Variants in CCDC141 observed in about 807,000 individuals in gnomAD.
CCDC141 encodes coiled-coil domain-containing protein 141.
In CCDC141, 168 loss-of-function variants were observed where a neutral mutation model predicts 181.0. The ratio of observed to expected loss-of-function variants is 0.93; its 90% CI spans 0.82 to 1.05. The LOEUF is 1.05. CCDC141 is among the 50% of genes least tolerant of loss of function. CCDC141 has a pLI of 0.00. For synonymous variants in CCDC141, 666 were observed against 642.3 expected (o/e 1.04, Z -0.56); for missense variants, 1,902 against 1,788.5 (o/e 1.06, Z -1.14).
At chr2:179,037,733 A>G (rs1430700924) in intron 2 of CCDC141, among the ~76,000 whole-genome samples, 1 of 152,240 alleles carries the variant, frequency 6.6e-6, no homozygotes, top group African/African-American at 2.4e-5. Context: ...ACTGGCCAAT[A>G]AGCACATGAA....
At chr2:178,822,434 A>G in the CCDC141 span, among the ~76,000 whole-genome samples, 1 of 151,702 alleles carries the variant, frequency 6.6e-6, no homozygotes, top group African/African-American at 2.4e-5. Context: ...CTCCTGAAAA[A>G]AAAAAAAGAA....
intron 11 of CCDC141, among the ~76,000 whole-genome samples, chr2:178,878,615 A>G (rs1450836598): frequency 6.6e-6 from 1 of 151,290 alleles, no homozygotes; most frequent in Non-Finnish European, 1.5e-5. Context: ...TGCCAACCCC[A>G]GCCCATTTTC....
At chr2:179,049,102 C>A (rs573445258) in intron 1 of CCDC141, among the ~76,000 whole-genome samples, 1 of 152,106 alleles carries the variant, frequency 6.6e-6, no homozygotes, top group Non-Finnish European at 1.5e-5. Context: ...AGGGCATTTC[C>A]ATGGAGAATA....
At position 178,869,277 on chromosome 2, in the gene CCDC141, A is replaced by C. The variant is rs1040869240; in HGVS notation, c.2234T>G (p.Met745Arg). 1 of 1,611,420 alleles carries C rather than the reference A, an allele frequency of 6.2e-7. No individual in the cohort carries two copies. Among genetic ancestry groups the C allele is most frequent in the African/African-American group, 1.3e-5 (1 of 74,686 alleles). ...GCCAGTTAACTCCTCTGATTCTTTC[A>C]TAATGTACTGAACCTCATCATTCAA... is the stretch of plus-strand genomic sequence containing the variant. ...QQLNDEVQYI[M>R]KESEELTGRG... The change falls in exon 15 of 24, where the codon ATG becomes AGG. Residue 745 changes from methionine (M) to arginine (R), a missense_variant. Met to Arg is a moderately conservative substitution (Grantham distance 91). Coordinates refer to ENST00000443758, the MANE Select transcript of CCDC141 (RefSeq NM_173648.4).
At chr2:178,967,865 A>G (rs1414055097) in intron 4 of CCDC141, among the ~76,000 whole-genome samples, 1 of 152,178 alleles carries the variant, frequency 6.6e-6, no homozygotes, top group African/African-American at 2.4e-5. Flanking sequence ...AAAGACACAC[A>G]TAGGCTCAAA....
chr2:178,963,715 G>A (rs1256130531), intron 4 of CCDC141, among the ~76,000 whole-genome samples: 1 of 151,270 alleles, frequency 6.6e-6, no homozygotes, highest in Non-Finnish European at 1.5e-5. Context: ...ATTGTAAAAA[G>A]GCATTTTGAG....
rs750251648 is a variant in CCDC141 at position 178,869,314 on chromosome 2, T to C, written c.2206-9A>G. 1.5e-5 allele frequency: 24 copies of C among 1,563,498 alleles called. No individual in the cohort carries two copies. Among genetic ancestry groups the C allele is most frequent in the Admixed American group, 4.2e-5 (2 of 47,766 alleles). On this transcript the variant is annotated splice_polypyrimidine_tract_variant and intron_variant, in intron 14 of 23. Transcript: ENST00000443758. ...ACCTCATCATTCAATTGCTAAAACA[T>C]TGAAAGCAATAAAAAAATCTTGCTA...
At position 178,926,043 on chromosome 2, in the gene CCDC141, C is replaced by G. The variant is rs551276729; in HGVS notation, c.898-7136G>C. On this transcript the variant is annotated intron_variant, in intron 6 of 23. Transcript: ENST00000443758. ...AAATATAGACTTTTTTAAAAAGGCT[C>G]TTAAATCTGATTGGCTGTTATTATC... 7.9e-5 allele frequency among the ~76,000 whole-genome samples: 12 copies of G among 152,146 alleles called. No homozygotes were observed. In the South Asian group the frequency reaches 2.1e-3, roughly 26 times the overall value.
intron 5 of CCDC141, among the ~76,000 whole-genome samples, chr2:178,951,288 A>G (rs1295608213): frequency 6.6e-6 from 1 of 152,214 alleles, no homozygotes; most frequent in East Asian, 1.9e-4. Context: ...TGTGTGAGAT[A>G]AAGAGAGTGA....
chr2:178,917,798 G>A lies in CCDC141; in HGVS notation c.1092+915C>T, dbSNP rs528801549. On this transcript the variant is annotated intron_variant, in intron 7 of 23. Transcript: ENST00000443758. ...CAATGAATCAGAGAGGAGAAGCAGA[G>A]CACTCCTCCAACTCAAGACCTGGAG... is the stretch of plus-strand genomic sequence containing the variant. Among the ~76,000 whole-genome samples, 23 of 152,302 alleles carry A rather than the reference G, an allele frequency of 1.5e-4. 1 individual carries two copies. The highest frequency in any genetic ancestry group is 4.3e-4 in the African/African-American group (18 of 41,562).
chr2:178,980,920 C>T (rs920078956), intron 2 of CCDC141, among the ~76,000 whole-genome samples: 4 of 152,048 alleles, frequency 2.6e-5, no homozygotes, highest in African/African-American at 9.7e-5. Flanking sequence ...ATGTACCATG[C>T]TAACACTAGT....
At position 178,869,204 on chromosome 2, in the gene CCDC141, A is replaced by C. The variant is rs778150500; in HGVS notation, c.2307T>G (p.Ile769Met). 26 of 1,613,644 alleles carry C rather than the reference A, an allele frequency of 1.6e-5. No individual in the cohort carries two copies. The highest frequency in any genetic ancestry group is 1.1e-5 in the Non-Finnish European group (13 of 1,179,836). ...TCTCTTTCTGTTTTTGATGGAAGTG[A>C]ATAAGGTCCTTCAGTTGTTGAGACT... ...KEKSQQLKDL[I>M]HFHQKQKERI... The change falls in exon 15 of 24, where the codon ATT becomes ATG. Residue 769 changes from isoleucine (I) to methionine (M), a missense_variant. Transcript: ENST00000443758.
At chr2:178,816,046 T>G in the CCDC141 span, among the ~76,000 whole-genome samples, 3 of 152,338 alleles carry the variant, frequency 2.0e-5, no homozygotes, top group South Asian at 6.2e-4. Flanking sequence ...ATTGATGCAT[T>G]ATTACTAAAG....
At chr2:178,963,704 T>C (rs1422404265) in intron 4 of CCDC141, among the ~76,000 whole-genome samples, 1 of 151,714 alleles carries the variant, frequency 6.6e-6, no homozygotes, top group Non-Finnish European at 1.5e-5. Context: ...TGAGATAATA[T>C]ATTGTAAAAA....
intron 10 of CCDC141, among the ~76,000 whole-genome samples, chr2:178,885,439 A>G (rs1686836776): frequency 6.6e-6 from 1 of 152,222 alleles, no homozygotes; most frequent in Non-Finnish European, 1.5e-5. Flanking sequence ...AAATTTAACA[A>G]TACCTCCAGC....
At chr2:179,017,828 G>C (rs940079858) in intron 2 of CCDC141, among the ~76,000 whole-genome samples, 5 of 152,102 alleles carry the variant, frequency 3.3e-5, no homozygotes, top group Non-Finnish European at 5.9e-5. Flanking sequence ...AGCAGACTTT[G>C]TGTTGACGAT....
At chr2:178,841,025 A>G (rs904317732) in intron 22 of CCDC141, among the ~76,000 whole-genome samples, 4 of 152,170 alleles carry the variant, frequency 2.6e-5, no homozygotes, top group Non-Finnish European at 5.9e-5. Flanking sequence ...CTTATATGAT[A>G]TGTTTTTATT....
chr2:179,017,304 T>C (rs2042570842), intron 2 of CCDC141, among the ~76,000 whole-genome samples: 1 of 152,152 alleles, frequency 6.6e-6, no homozygotes, highest in Non-Finnish European at 1.5e-5. Flanking sequence ...CACCATTCTA[T>C]TGTAAACTAA....
At chr2:178,922,345 G>A (rs1446699471) in intron 6 of CCDC141, among the ~76,000 whole-genome samples, 12 of 152,200 alleles carry the variant, frequency 7.9e-5, no homozygotes, top group Non-Finnish European at 1.3e-4. Flanking sequence ...GTAAGAGAAA[G>A]AGCCAAATTT....
Sources: allele counts gnomAD v4.1 joint callset (sites outside exome capture counted in the v4.1 genomes callset), GRCh38; gene constraint gnomAD v4.1.1; transcripts MANE v1.5; gene names NCBI Gene and HGNC (gene_info 2026-07-23, HGNC 2026-07-21).